Variants in ATP2B2 observed in about 807,000 individuals in gnomAD.
ATP2B2 encodes plasma membrane calcium-transporting ATPase 2.
A neutral mutation model predicts 120.0 loss-of-function variants in ATP2B2; 15 were observed. The ratio of observed to expected loss-of-function variants is 0.12; its 90% CI spans 0.08 to 0.19. ATP2B2 has a LOEUF of 0.19. Ranked by LOEUF, ATP2B2 falls within the 10% of genes least tolerant of loss-of-function variation. ATP2B2 has a pLI of 1.00. For missense variants in ATP2B2, 1,045 were observed against 1,719.8 expected (o/e 0.61, Z 6.94); for synonymous variants, 694 against 700.3 (o/e 0.99, Z 0.14).
chr3:10,336,031 G>C, intron 22 of ATP2B2: 1 of 1,399,998 alleles, frequency 7.1e-7, no homozygotes, highest in Non-Finnish European at 9.7e-7. Flanking sequence ...GCCTGATTGT[G>C]ACCGGCTGCC....
At chr3:10,671,613 T>C (rs79465932) in intron 1 of ATP2B2, among the ~76,000 whole-genome samples, 10,712 of 152,210 alleles carry the variant, frequency 0.07, 518 homozygotes, top group South Asian at 0.14. Flanking sequence ...GTCAGAGGCC[T>C]GCACTTTGAG....
chr3:10,421,600 A>C (rs976776842), intron 2 of ATP2B2, among the ~76,000 whole-genome samples: 1 of 152,174 alleles, frequency 6.6e-6, no homozygotes, highest in African/African-American at 2.4e-5. Context: ...CTGGTCTTCA[A>C]GTTCGGCTGT....
At chr3:10,696,925 G>C (rs1012637680) in intron 1 of ATP2B2, among the ~76,000 whole-genome samples, 1 of 152,158 alleles carries the variant, frequency 6.6e-6, no homozygotes, top group Non-Finnish European at 1.5e-5. Context: ...CAACACTATT[G>C]ATAGTAAGAA....
chr3:10,588,616 G>C (rs4582033), intron 2 of ATP2B2, among the ~76,000 whole-genome samples: 5,261 of 152,280 alleles, frequency 0.035, 158 homozygotes, highest in South Asian at 0.089. Context: ...CCAGAATGGA[G>C]GGAAGCATGG....
chr3:10,649,044 A>G lies in ATP2B2; in HGVS notation c.-459-29083T>C, dbSNP rs536724138. Among the ~76,000 whole-genome samples the G allele has an allele frequency of 3.3e-5, 5 of 152,332 alleles. No individual in the cohort carries two copies. In the East Asian group the frequency reaches 7.7e-4, roughly 23 times the overall value. On this transcript the variant is annotated intron_variant, in intron 1 of 21. Transcript: ENST00000646379. ...GAGTATAGACCTGCACCTCCAGTGC[A>G]GCAGCCACTAGCCACATGTGGCCAT...
chr3:10,337,622 G>A (rs559620620), intron 22 of ATP2B2, among the ~76,000 whole-genome samples: 7 of 152,254 alleles, frequency 4.6e-5, no homozygotes, highest in Admixed American at 4.6e-4. Context: ...CTCCCCTGGT[G>A]TGCTTGGTGT....
chr3:10,695,069 C>G (rs867759714), intron 1 of ATP2B2, among the ~76,000 whole-genome samples: 1 of 152,102 alleles, frequency 6.6e-6, no homozygotes, highest in African/African-American at 2.4e-5. Context: ...AATGACACTG[C>G]TGTATGAGTC....
At chr3:10,480,317 T>C (rs182450283) in intron 1 of ATP2B2, among the ~76,000 whole-genome samples, 10 of 152,164 alleles carry the variant, frequency 6.6e-5, no homozygotes, top group Non-Finnish European at 8.8e-5. Context: ...AGATGATGCA[T>C]ATGAAAGTGT....
At position 10,342,816 on chromosome 3, in the gene ATP2B2, C is replaced by T. The variant is rs1199537776; in HGVS notation, c.2853G>A (p.Met951Ile). Residue 951 changes from methionine to isoleucine, a missense_variant, in exon 19 of 23, where the codon ATG becomes ATA. By Grantham distance (10) the Met-to-Ile change is conservative (BLOSUM62 1). Coordinates refer to ENST00000360273, the MANE Select transcript of ATP2B2 (RefSeq NM_001001331.4). This position sits in a 1 kb window ranked among gnomAD's most constrained non-coding sequence, Gnocchi z 4.4. ...CAGCATGGCCCAGGATGTTCTTCAT[C>T]ATGGTCCTGGAGATGAGCGGCTTGT... ...GRNKPLISRT[M>I]MKNILGHAVY... 1 of 1,614,110 alleles carries T rather than the reference C, an allele frequency of 6.2e-7. No individual in the cohort carries two copies. Among genetic ancestry groups the T allele is most frequent in the Non-Finnish European group, 8.5e-7 (1 of 1,180,002 alleles).
At chr3:10,496,613 A>C (rs982995835) in intron 1 of ATP2B2, among the ~76,000 whole-genome samples, 3 of 151,746 alleles carry the variant, frequency 2.0e-5, no homozygotes, top group African/African-American at 7.3e-5. Context: ...GCTTGCTCCT[A>C]GTGAGTCCAA....
chr3:10,396,208 C>T (rs931894004), intron 5 of ATP2B2, among the ~76,000 whole-genome samples: 2 of 152,252 alleles, frequency 1.3e-5, no homozygotes, highest in African/African-American at 4.8e-5. Context: ...CCATACAGCA[C>T]CTCACAACCG....
At chr3:10,501,071 C>T (rs1210701172) in intron 1 of ATP2B2, among the ~76,000 whole-genome samples, 1 of 152,228 alleles carries the variant, frequency 6.6e-6, no homozygotes, top group African/African-American at 2.4e-5. Context: ...CACACTCTCC[C>T]CCATACCCAG....
chr3:10,356,496 T>A (rs2060735539), intron 14 of ATP2B2, among the ~76,000 whole-genome samples: 1 of 152,236 alleles, frequency 6.6e-6, no homozygotes, highest in Admixed American at 6.5e-5. Context: ...GTGAAATGTG[T>A]GTGTTTACTG....
intron 2 of ATP2B2, among the ~76,000 whole-genome samples, chr3:10,423,304 C>T (rs752645109): frequency 6.6e-6 from 1 of 152,188 alleles, no homozygotes; most frequent in East Asian, 1.9e-4. Flanking sequence ...CCTCTCTTAC[C>T]CTCCCATTTG....
intron 2 of ATP2B2, among the ~76,000 whole-genome samples, chr3:10,431,850 G>A (rs934056619): frequency 1.3e-5 from 2 of 152,100 alleles, no homozygotes; most frequent in Non-Finnish European, 2.9e-5. Context: ...AAAAGGGGGT[G>A]GGCTGGCACC....
At chr3:10,589,199 G>T (rs1308283828) in intron 2 of ATP2B2, among the ~76,000 whole-genome samples, 1 of 152,144 alleles carries the variant, frequency 6.6e-6, no homozygotes, top group Non-Finnish European at 1.5e-5. Flanking sequence ...ACTCCCATTT[G>T]CCCATCCCCA....
intron 2 of ATP2B2, among the ~76,000 whole-genome samples, chr3:10,559,909 A>C (rs1303710191): frequency 1.3e-5 from 2 of 152,110 alleles, no homozygotes; most frequent in Non-Finnish European, 2.9e-5. Flanking sequence ...CTAGCTGAAC[A>C]CTCTTTCAAG....
Position 10,635,482 on chromosome 3 carries a change from A to G in ATP2B2, c.-459-15521T>C, listed in dbSNP as rs910467103. Among the ~76,000 whole-genome samples, 3 of 152,122 alleles carry G rather than the reference A, an allele frequency of 2.0e-5. No homozygotes were observed. The highest frequency in any genetic ancestry group is 4.8e-5 in the African/African-American group (2 of 41,426). ...GTGCCTACAGCGGTGAAATTTCTCC[A>G]TCCTGCTTACGTGCCAGAGACTCTA... On this transcript the variant is annotated intron_variant, in intron 1 of 21. Coordinates refer to the ATP2B2 transcript ENST00000646379. The surrounding 1 kb of genome is among the most constrained non-coding windows in gnomAD (Gnocchi z 4.3).
intron 2 of ATP2B2, among the ~76,000 whole-genome samples, chr3:10,600,136 C>T (rs564786073): frequency 6.6e-6 from 1 of 152,340 alleles, no homozygotes; most frequent in Non-Finnish European, 1.5e-5. Flanking sequence ...GGCCACACCC[C>T]TGCACTGCCC....
Sources: gnomAD v4.1 joint callset for allele counts (sites outside exome capture counted in the v4.1 genomes callset) on GRCh38, gnomAD v4.1.1 for gene constraint, Gnocchi (gnomAD v3.1) non-coding constraint, MANE v1.5 for transcripts, NCBI Gene and HGNC (gene_info 2026-07-23, HGNC 2026-07-21) for gene names.